The following MFHAS1 variants were observed in gnomAD, a reference collection of about 807,000 sequenced individuals.
The protein encoded by MFHAS1 is multifunctional ROCO family signaling regulator 1, also known as malignant fibrous histiocytoma-amplified sequence 1.
In MFHAS1, 50 loss-of-function variants were observed where a neutral mutation model predicts 70.4. That is an observed-to-expected ratio of 0.71 (90% CI 0.57 to 0.90). The LOEUF is 0.90. MFHAS1 is among the 40% of genes least tolerant of loss of function. MFHAS1 has a pLI of 0.00. For missense variants in MFHAS1, 1,795 were observed against 1,347.6 expected (o/e 1.33, Z -5.20); for synonymous variants, 952 against 620.0 (o/e 1.54, Z -7.96).
chr8:8,842,739 T>C (rs561307495), intron 1 of MFHAS1, among the ~76,000 whole-genome samples: 126 of 152,224 alleles, frequency 8.3e-4, no homozygotes, highest in African/African-American at 2.9e-3. Context: ...GGACAGCACG[T>C]TAAAGCTAGA....
intron 1 of MFHAS1, among the ~76,000 whole-genome samples, chr8:8,843,193 C>G (rs926792637): frequency 2.0e-5 from 3 of 151,134 alleles, no homozygotes; most frequent in Admixed American, 2.0e-4. Flanking sequence ...GGCGTGAACC[C>G]CGGAAGCGGA....
chr8:8,890,101 C>T lies in MFHAS1; in HGVS notation c.2958G>A (p.Lys986=), dbSNP rs1472231597. The change falls in exon 1 of 3, where the codon AAG becomes AAA. Residue 986 remains lysine (K), a synonymous_variant. Transcript: ENST00000276282. ...LHYTVHILCS[K]CLKRGSPNPH... The stretch of plus-strand genomic sequence containing the variant: ...GATTGGGCGATCCTCTCTTAAGGCA[C>T]TTAGAACAGAGAATGTGCACGGTGT... 6.2e-7 allele frequency: 1 copy of T among 1,613,092 alleles called. No individual in the cohort carries two copies. Among genetic ancestry groups the T allele is most frequent in the South Asian group, 1.1e-5 (1 of 90,878 alleles).
intron 1 of MFHAS1, among the ~76,000 whole-genome samples, chr8:8,888,043 C>A (rs1333909649): frequency 6.6e-6 from 1 of 152,114 alleles, no homozygotes; most frequent in African/African-American, 2.4e-5. Context: ...GCGTAACTCC[C>A]AGTCACTTTA....
chr8:8,829,054 G>A (rs1807271128), intron 1 of MFHAS1, among the ~76,000 whole-genome samples: 1 of 152,134 alleles, frequency 6.6e-6, no homozygotes, highest in Admixed American at 6.5e-5. Flanking sequence ...CTTGGACACT[G>A]CAGAATGGGC....
chr8:8,855,502 G>C (rs1431572974), intron 1 of MFHAS1, among the ~76,000 whole-genome samples: 1 of 152,188 alleles, frequency 6.6e-6, no homozygotes, highest in Non-Finnish European at 1.5e-5. Context: ...GAACGTTATA[G>C]AATTTATTCT....
At chr8:8,860,394 A>G (rs867232750) in intron 1 of MFHAS1, among the ~76,000 whole-genome samples, 4 of 152,178 alleles carry the variant, frequency 2.6e-5, no homozygotes, top group Admixed American at 6.5e-5. Context: ...AGAAAAAGAG[A>G]AGGAGAAAAT....
At chr8:8,810,762 G>C (rs1806515625) in intron 1 of MFHAS1, among the ~76,000 whole-genome samples, 2 of 152,328 alleles carry the variant, frequency 1.3e-5, no homozygotes, top group African/African-American at 4.8e-5. Context: ...ATGTGGATGT[G>C]ATTCCATGGG....
intron 2 of MFHAS1, 132 bp downstream of exon 2, chr8:8,797,233 A>T: frequency 1.1e-6 from 1 of 928,876 alleles, no homozygotes; most frequent in Non-Finnish European, 1.5e-6. Flanking sequence ...TGTCATCCAG[A>T]AGAATTATGT....
intron 1 of MFHAS1, among the ~76,000 whole-genome samples, chr8:8,807,257 C>T (rs1232053547): frequency 6.6e-6 from 1 of 152,090 alleles, no homozygotes; most frequent in East Asian, 1.9e-4. Context: ...CCTGGAATCT[C>T]ATTATCTCAG....
At position 8,836,059 on chromosome 8, in the gene MFHAS1, A is replaced by G. The variant is rs186773951; in HGVS notation, c.2999-38568T>C. ...GAAAAAGTGTGCTGAACTCCAATCT[A>G]TAATATATCTGTTGACCTAAAACAA... On this transcript the variant is annotated intron_variant, in intron 1 of 2. Coordinates refer to ENST00000276282, the MANE Select transcript of MFHAS1 (RefSeq NM_004225.3). Among the ~76,000 whole-genome samples, 614 of 152,350 alleles carry G rather than the reference A, an allele frequency of 4.0e-3. 2 individuals are homozygous for G. The highest frequency in any genetic ancestry group is 0.017 in the Middle Eastern group (5 of 294).
chr8:8,821,263 G>A (rs1051899832), intron 1 of MFHAS1, among the ~76,000 whole-genome samples: 3 of 152,196 alleles, frequency 2.0e-5, no homozygotes, highest in African/African-American at 7.2e-5. Context: ...CCCTGTGGCA[G>A]GAGGTCAAAG....
intron 1 of MFHAS1, among the ~76,000 whole-genome samples, chr8:8,854,714 T>C (rs1171672243): frequency 6.6e-6 from 1 of 150,934 alleles, no homozygotes; most frequent in Non-Finnish European, 1.5e-5. Flanking sequence ...AAGAAAAAAA[T>C]ATGTATTATG....
In MFHAS1 at chr8:8,892,840, G is replaced by T; in HGVS notation, c.219C>A (p.Asn73Lys). 1 of 1,596,790 alleles carries T rather than the reference G, an allele frequency of 6.3e-7. No homozygotes were observed. The highest frequency in any genetic ancestry group is 8.5e-7 in the Non-Finnish European group (1 of 1,172,278). The change falls in exon 1 of 3, where the codon AAC becomes AAA. Residue 73 changes from asparagine (N) to lysine (K), a missense_variant. By Grantham distance (94) the Asn-to-Lys change is moderately conservative. Coordinates refer to ENST00000276282, the MANE Select transcript of MFHAS1 (RefSeq NM_004225.3). This position sits in a 1 kb window ranked among gnomAD's most constrained non-coding sequence, Gnocchi z 4.7. ...GDIEALNLGN[N>K]GLEEVPEGLG... ...GCCCCTCGGGTACCTCCTCCAGGCC[G>T]TTGTTCCCCAGGTTCAGTGCCTCAA...
At chr8:8,838,391 T>C (rs1208776312) in intron 1 of MFHAS1, among the ~76,000 whole-genome samples, 1 of 152,244 alleles carries the variant, frequency 6.6e-6, no homozygotes, top group Non-Finnish European at 1.5e-5. Context: ...CATTTTATTG[T>C]ATGCAAACTA....
chr8:8,841,757 G>C (rs571691277), intron 1 of MFHAS1, among the ~76,000 whole-genome samples: 48 of 152,216 alleles, frequency 3.2e-4, no homozygotes, highest in African/African-American at 1.1e-3. Context: ...CCCCACATGG[G>C]CCACACCCCA....
intron 1 of MFHAS1, among the ~76,000 whole-genome samples, chr8:8,816,981 G>C (rs1806770636): frequency 6.6e-6 from 1 of 152,140 alleles, no homozygotes; most frequent in South Asian, 2.1e-4. Context: ...ACAAGGTTCA[G>C]AGAACTGTAA....
At chr8:8,859,461 C>T (rs5023278) in intron 1 of MFHAS1, among the ~76,000 whole-genome samples, 29,657 of 152,124 alleles carry the variant, frequency 0.19, 3,377 homozygotes, top group East Asian at 0.29. Context: ...TACAGTTGAT[C>T]GTTTAACAAC....
chr8:8,796,688 C>CAAAACAAAAAAAAAAAA (rs1554475314), intron 2 of MFHAS1, among the ~76,000 whole-genome samples: 1 of 24,774 alleles, frequency 4.0e-5, no homozygotes, highest in Non-Finnish European at 6.9e-5. Flanking sequence ...CGTCTCAAAA[C>CAAAACAAAAAAAAAAAA]AAAAAAAAAA....
chr8:8,815,427 T>C (rs574554299), intron 1 of MFHAS1, among the ~76,000 whole-genome samples: 7 of 152,290 alleles, frequency 4.6e-5, no homozygotes, highest in South Asian at 2.1e-4. Flanking sequence ...TTCTAGGTCT[T>C]TGAGGAATTG....
Sources: allele counts gnomAD v4.1 joint callset (sites outside exome capture counted in the v4.1 genomes callset), GRCh38; gene constraint gnomAD v4.1.1; non-coding constraint Gnocchi (gnomAD v3.1); transcripts MANE v1.5; gene names NCBI Gene and HGNC (gene_info 2026-07-23, HGNC 2026-07-21).